RELL1: variants seen among roughly 807,000 people sequenced by gnomAD.
RELL1 encodes the protein RELT-like protein 1.
In RELL1, 10 loss-of-function variants were observed where a neutral mutation model predicts 23.0. The ratio of observed to expected loss-of-function variants is 0.43; its 90% CI spans 0.27 to 0.74. RELL1 has a LOEUF of 0.74. Among genes scored for constraint, RELL1 ranks in the 30% least tolerant of loss-of-function variants. The pLI is 0.19. For synonymous variants in RELL1, 146 were observed against 146.8 expected (o/e 0.99, Z 0.04); for missense variants, 315 against 364.4 (o/e 0.86, Z 1.10).
intron 2 of RELL1, among the ~76,000 whole-genome samples, chr4:37,648,462 G>A (rs1277307934): frequency 6.6e-6 from 1 of 152,230 alleles, no homozygotes; most frequent in Non-Finnish European, 1.5e-5. Flanking sequence ...TCACCTTTCT[G>A]CAGAAACTGC....
downstream of RELL1, among the ~76,000 whole-genome samples, chr4:37,607,219 G>T (rs933292651): frequency 1.3e-5 from 2 of 152,210 alleles, no homozygotes; most frequent in African/African-American, 4.8e-5. Context: ...ACAGCAGGGG[G>T]ACATTAGTGA....
Position 37,612,478 on chromosome 4 carries a change from A to G in RELL1, c.*868T>C, listed in dbSNP as rs566525760. On this transcript the variant is annotated 3_prime_UTR_variant, in exon 7 of 7. Coordinates refer to ENST00000454158, the MANE Select transcript of RELL1 (RefSeq NM_001085400.2). ...TAGTGATACCCCGTCTCTACTAAAA[A>G]TACAAAAATTAGTCGAGCGTGGTGG... is the stretch of plus-strand genomic sequence containing the variant. Among the ~76,000 whole-genome samples the G allele has an allele frequency of 1.3e-5, 2 of 151,960 alleles. No individual in the cohort carries two copies. Among genetic ancestry groups the G allele is most frequent in the African/African-American group, 4.8e-5 (2 of 41,438 alleles).
intron 6 of RELL1, among the ~76,000 whole-genome samples, chr4:37,631,074 A>C (rs1720112730): frequency 6.6e-6 from 1 of 152,214 alleles, no homozygotes; most frequent in Non-Finnish European, 1.5e-5. Flanking sequence ...TGCAAGCCCT[A>C]TATGGTGGGT....
At chr4:37,670,028 G>C (rs1051147483) in intron 1 of RELL1, among the ~76,000 whole-genome samples, 1 of 124,206 alleles carries the variant, frequency 8.1e-6, no homozygotes, top group Non-Finnish European at 1.7e-5. Context: ...ACCCAAGAAT[G>C]ATCAATAAAA....
chr4:37,640,458 G>A (rs1455745774), intron 3 of RELL1, among the ~76,000 whole-genome samples: 4 of 152,106 alleles, frequency 2.6e-5, no homozygotes, highest in African/African-American at 9.7e-5. Flanking sequence ...ACTAGGTTTG[G>A]ATATACAATC....
At chr4:37,598,094 T>TATATATATAA (rs1000920633) in intron 6 of RELL1, among the ~76,000 whole-genome samples, 4 of 140,262 alleles carry the variant, frequency 2.9e-5, no homozygotes, top group African/African-American at 8.2e-5. Flanking sequence ...TATATATATA[T>TATATATATAA]AACTCCTCCT....
At chr4:37,674,547 C>T (rs1311993786) in intron 1 of RELL1, among the ~76,000 whole-genome samples, 1 of 152,208 alleles carries the variant, frequency 6.6e-6, no homozygotes, top group Non-Finnish European at 1.5e-5. Context: ...GCCGTACGAG[C>T]ATATAGAAAA....
chr4:37,683,631 G>A (rs1279737145), intron 1 of RELL1, among the ~76,000 whole-genome samples: 3 of 152,094 alleles, frequency 2.0e-5, no homozygotes, highest in South Asian at 4.2e-4. Context: ...GGTGGCGGGC[G>A]CCTATAATCC....
At chr4:37,653,541 G>A (rs186393526) in intron 1 of RELL1, among the ~76,000 whole-genome samples, 2 of 152,124 alleles carry the variant, frequency 1.3e-5, no homozygotes, top group East Asian at 3.9e-4. Context: ...CCTTTTCTCT[G>A]GACATGTCCT....
chr4:37,595,580 G>A (rs973924081), intron 6 of RELL1, among the ~76,000 whole-genome samples: 2 of 152,330 alleles, frequency 1.3e-5, no homozygotes, highest in Admixed American at 1.3e-4. Flanking sequence ...GTGACATGGT[G>A]TAATAAAGGT....
At chr4:37,666,825 C>A (rs766378926) in intron 1 of RELL1, among the ~76,000 whole-genome samples, 1 of 152,154 alleles carries the variant, frequency 6.6e-6, no homozygotes, top group Non-Finnish European at 1.5e-5. Context: ...AATGACTAAA[C>A]AGAGAACTAC....
At chr4:37,625,546 C>CA (rs1206276656) in intron 6 of RELL1, among the ~76,000 whole-genome samples, 1 of 151,812 alleles carries the variant, frequency 6.6e-6, no homozygotes, top group Non-Finnish European at 1.5e-5. Flanking sequence ...AAAAATGGGG[C>CA]AAAATGGGAA....
At chr4:37,589,255 G>A (rs1718473747), downstream of RELL1, among the ~76,000 whole-genome samples, 1 of 152,152 alleles carries the variant, frequency 6.6e-6, no homozygotes, top group Non-Finnish European at 1.5e-5. Context: ...TGTGAGTAAC[G>A]TGAACATAAA....
In RELL1 at chr4:37,631,333, T is replaced by C. The variant is rs998790679; in HGVS notation, c.*3+52A>G. On this transcript the variant is annotated intron_variant, in intron 6 of 6. Transcript: ENST00000454158. ...AGCACCTGGGAGGCTCCAAGTACCTTCTCCTCACCCTGCACCACTCTGCCC... is the reference window on the plus strand; with the variant it reads ...AGCACCTGGGAGGCTCCAAGTACCTCCTCCTCACCCTGCACCACTCTGCCC... 1.9e-6 allele frequency: 3 copies of C among 1,550,740 alleles called. No individual in the cohort carries two copies. The African/African-American group carries it at 4.1e-5, about 21-fold the overall frequency.
chr4:37,673,947 T>C (rs953713209), intron 1 of RELL1, among the ~76,000 whole-genome samples: 11 of 152,242 alleles, frequency 7.2e-5, no homozygotes, highest in East Asian at 5.8e-4. Flanking sequence ...TTAACTTCTC[T>C]ATTCCCACCT....
chr4:37,589,738 T>G (rs987898529), downstream of RELL1, among the ~76,000 whole-genome samples: 2 of 152,144 alleles, frequency 1.3e-5, no homozygotes, highest in Non-Finnish European at 2.9e-5. Flanking sequence ...TTCAAGCGAT[T>G]CTCCTATCTC....
At chr4:37,644,394 A>C (rs1249135747) in intron 3 of RELL1, among the ~76,000 whole-genome samples, 1 of 151,714 alleles carries the variant, frequency 6.6e-6, no homozygotes, top group Non-Finnish European at 1.5e-5. Context: ...TCTACAAAAT[A>C]GGGTGGTAAC....
intron 3 of RELL1, among the ~76,000 whole-genome samples, chr4:37,639,250 G>C (rs887821691): frequency 1.3e-5 from 2 of 151,998 alleles, no homozygotes; most frequent in African/African-American, 4.8e-5. Flanking sequence ...TGGGCGTGGT[G>C]GCAGGCACCT....
intron 1 of RELL1, among the ~76,000 whole-genome samples, chr4:37,666,450 T>C (rs1721534719): frequency 6.6e-6 from 1 of 152,192 alleles, no homozygotes; most frequent in Admixed American, 6.5e-5. Flanking sequence ...ATCCATAAAA[T>C]AATAATAGTT....
Sources: gnomAD v4.1 joint callset for allele counts (sites outside exome capture counted in the v4.1 genomes callset) on GRCh38, gnomAD v4.1.1 for gene constraint, MANE v1.5 for transcripts, NCBI Gene and HGNC (gene_info 2026-07-23, HGNC 2026-07-21) for gene names.